Variants in LRMDA observed in about 807,000 individuals in gnomAD.
LRMDA encodes leucine rich melanocyte differentiation associated, also known as leucine-rich melanocyte differentiation-associated protein.
LRMDA carries 18 observed loss-of-function variants against 29.8 expected under a neutral mutation model. The ratio of observed to expected loss-of-function variants is 0.60; its 90% CI spans 0.42 to 0.90. LRMDA has a LOEUF of 0.90. LRMDA is among the 40% of genes least tolerant of loss of function. LRMDA has a pLI of 0.00. For synonymous variants in LRMDA, 125 were observed against 109.4 expected (o/e 1.14, Z -0.89); for missense variants, 273 against 273.9 (o/e 1.00, Z 0.02).
chr10:75,447,986 T>G (rs748161437), intron 2 of LRMDA, among the ~76,000 whole-genome samples: 1 of 152,070 alleles, frequency 6.6e-6, no homozygotes, highest in Non-Finnish European at 1.5e-5. Flanking sequence ...TGGCACTCCC[T>G]CCTCCCTAAG....
intron 6 of LRMDA, among the ~76,000 whole-genome samples, chr10:76,450,249 T>G (rs1842392877): frequency 6.6e-6 from 1 of 152,122 alleles, no homozygotes; most frequent in African/African-American, 2.4e-5. Context: ...GTCATTGCTC[T>G]GGACAAATCG....
intron 2 of LRMDA, among the ~76,000 whole-genome samples, chr10:75,668,715 T>A (rs1439965206): frequency 1.3e-5 from 2 of 152,182 alleles, no homozygotes; most frequent in African/African-American, 2.4e-5. Context: ...ATATGACTTT[T>A]AACTAGAAAT....
At chr10:75,551,881 A>G (rs1840154902) in intron 2 of LRMDA, among the ~76,000 whole-genome samples, 1 of 152,024 alleles carries the variant, frequency 6.6e-6, no homozygotes, top group South Asian at 2.1e-4. Flanking sequence ...TCTACAAAAC[A>G]TTAAAAAAAA....
At chr10:76,515,773 G>A (rs1466283354) in intron 6 of LRMDA, among the ~76,000 whole-genome samples, 2 of 152,086 alleles carry the variant, frequency 1.3e-5, no homozygotes, top group Admixed American at 6.5e-5. Context: ...CAAAGTGTTG[G>A]GATTTCAGCC....
At chr10:75,578,215 C>CAAAAAAAAA (rs1183989010) in intron 2 of LRMDA, among the ~76,000 whole-genome samples, 318 of 14,232 alleles carry the variant, frequency 0.022, 93 homozygotes, top group East Asian at 0.19. Flanking sequence ...AAATGGAAAG[C>CAAAAAAAAA]AAAAAAAAAA....
At chr10:76,089,301 C>T (rs1457892668) in intron 5 of LRMDA, among the ~76,000 whole-genome samples, 2 of 152,200 alleles carry the variant, frequency 1.3e-5, no homozygotes, top group East Asian at 3.8e-4. Flanking sequence ...TGCATCCTTT[C>T]CACTGTGCAA....
At chr10:75,652,439 T>C (rs968694760) in intron 2 of LRMDA, among the ~76,000 whole-genome samples, 1 of 152,262 alleles carries the variant, frequency 6.6e-6, no homozygotes, top group Non-Finnish European at 1.5e-5. Context: ...ATAAACTTAG[T>C]TGGGAACTAG....
intron 6 of LRMDA, among the ~76,000 whole-genome samples, chr10:76,463,080 G>C (rs1842529391): frequency 6.6e-6 from 1 of 152,136 alleles, no homozygotes; most frequent in Non-Finnish European, 1.5e-5. Flanking sequence ...CATTTTGCTA[G>C]ACTGCAGCTT....
At chr10:75,665,741 A>G (rs929448944) in intron 2 of LRMDA, among the ~76,000 whole-genome samples, 5 of 152,238 alleles carry the variant, frequency 3.3e-5, no homozygotes, top group Non-Finnish European at 7.3e-5. Flanking sequence ...TGTCTTGTCT[A>G]GTGCATCCTT....
At chr10:76,320,673 T>C (rs1346685652) in intron 5 of LRMDA, among the ~76,000 whole-genome samples, 3 of 152,208 alleles carry the variant, frequency 2.0e-5, no homozygotes, top group African/African-American at 7.2e-5. Flanking sequence ...CTTTTAAAAA[T>C]AATGAACACA....
intron 5 of LRMDA, among the ~76,000 whole-genome samples, chr10:76,291,342 A>T (rs2132347859): frequency 1.3e-5 from 2 of 152,358 alleles, no homozygotes; most frequent in Middle Eastern, 6.8e-3. Context: ...CATACACATG[A>T]TGTCATAATA....
At chr10:76,219,512 G>A (rs368925268) in intron 5 of LRMDA, among the ~76,000 whole-genome samples, 13 of 152,128 alleles carry the variant, frequency 8.5e-5, no homozygotes, top group East Asian at 5.8e-4. Context: ...ATCAAAAGAG[G>A]CAAAGAAGGC....
At chr10:75,547,125 C>A (rs1840089720) in intron 2 of LRMDA, among the ~76,000 whole-genome samples, 1 of 152,068 alleles carries the variant, frequency 6.6e-6, no homozygotes, top group African/African-American at 2.4e-5. Context: ...TTCAGCCTGG[C>A]CAAGGGAAGG....
At chr10:76,543,440 A>T (rs1184715214) in intron 6 of LRMDA, among the ~76,000 whole-genome samples, 2 of 151,748 alleles carry the variant, frequency 1.3e-5, no homozygotes, top group Non-Finnish European at 2.9e-5. Context: ...CTTATATGAC[A>T]CTTTCTTAGA....
chr10:76,148,746 A>G (rs183551247), intron 5 of LRMDA, among the ~76,000 whole-genome samples: 1 of 152,270 alleles, frequency 6.6e-6, no homozygotes, highest in East Asian at 1.9e-4. Context: ...CCGGTACCTC[A>G]GTTGGAAATG....
intron 2 of LRMDA, among the ~76,000 whole-genome samples, chr10:75,980,264 G>T (rs918420849): frequency 9.9e-5 from 15 of 152,140 alleles, no homozygotes; most frequent in African/African-American, 3.6e-4. Flanking sequence ...GACAAAAATG[G>T]GACACTGAGA....
intron 2 of LRMDA, among the ~76,000 whole-genome samples, chr10:75,611,780 A>G (rs1329646783): frequency 6.6e-6 from 1 of 152,190 alleles, no homozygotes; most frequent in Non-Finnish European, 1.5e-5. Flanking sequence ...CAAGCACAGT[A>G]TAGGTTGGAT....
chr10:75,662,713 C>A (rs1323376301), intron 2 of LRMDA, among the ~76,000 whole-genome samples: 1 of 152,126 alleles, frequency 6.6e-6, no homozygotes, highest in Non-Finnish European at 1.5e-5. Flanking sequence ...TTTTTGGAGT[C>A]TCTTGTTGAT....
intron 5 of LRMDA, among the ~76,000 whole-genome samples, chr10:76,184,948 G>A (rs1303325743): frequency 6.6e-6 from 1 of 152,140 alleles, no homozygotes; most frequent in Non-Finnish European, 1.5e-5. Context: ...AAACTTTTTA[G>A]GCTTGGCAGC....
Sources: gnomAD v4.1 joint callset for allele counts (sites outside exome capture counted in the v4.1 genomes callset) on GRCh38, gnomAD v4.1.1 for gene constraint, MANE v1.5 for transcripts, NCBI Gene and HGNC (gene_info 2026-07-23, HGNC 2026-07-21) for gene names.